The following HOOK3 variants were observed in gnomAD, a reference collection of about 807,000 sequenced individuals.
The protein encoded by HOOK3 is protein Hook homolog 3.
A neutral mutation model predicts 116.3 loss-of-function variants in HOOK3; 24 were observed. The ratio of observed to expected loss-of-function variants is 0.21; its 90% CI spans 0.15 to 0.29. HOOK3 has a LOEUF of 0.29. HOOK3 is among the 10% of genes least tolerant of loss of function. HOOK3 has a pLI of 1.00. For synonymous variants in HOOK3, 275 were observed against 283.0 expected, an observed-to-expected ratio of 0.97 and a Z score of 0.28; for missense variants, 632 against 830.2, an observed-to-expected ratio of 0.76 and a Z score of 2.93.
At chr8:42,912,047 C>T (rs1473348075) in intron 2 of HOOK3, among the ~76,000 whole-genome samples, 1 of 152,096 alleles carries the variant, frequency 6.6e-6, no homozygotes, top group Non-Finnish European at 1.5e-5. Flanking sequence ...AAAATGTGTA[C>T]CCTGAGCCTT....
intron 18 of HOOK3, among the ~76,000 whole-genome samples, chr8:43,009,362 C>T (rs1432951217): frequency 9.3e-5 from 14 of 151,294 alleles, no homozygotes; most frequent in Admixed American, 5.9e-4. Flanking sequence ...GCCGAGATCT[C>T]GCCACTGTGC....
chr8:42,947,248 G>A (rs996322868), intron 5 of HOOK3, among the ~76,000 whole-genome samples: 6 of 152,096 alleles, frequency 3.9e-5, no homozygotes, highest in Non-Finnish European at 5.9e-5. Context: ...TAGATGCTTC[G>A]ATTTTAAGGT....
At chr8:42,997,835 G>A in intron 16 of HOOK3, 198 bp downstream of exon 16, 1 of 471,326 alleles carries the variant, frequency 2.1e-6, no homozygotes, top group Non-Finnish European at 3.8e-6. Flanking sequence ...GATTCGCTCT[G>A]CTGGGAATTA....
At chr8:42,989,799 T>G (rs909620272) in intron 15 of HOOK3, among the ~76,000 whole-genome samples, 1 of 152,128 alleles carries the variant, frequency 6.6e-6, no homozygotes, top group Non-Finnish European at 1.5e-5. Flanking sequence ...AGTTTAATTT[T>G]TTTAATTTTT....
chr8:42,903,596 G>T (rs1372564477), intron 1 of HOOK3, among the ~76,000 whole-genome samples: 4 of 151,008 alleles, frequency 2.6e-5, no homozygotes, highest in Non-Finnish European at 5.9e-5. Flanking sequence ...ACTCTCTTCG[G>T]CCTCCCAAAG....
At chr8:42,970,762 G>A (rs374365557) in intron 11 of HOOK3, among the ~76,000 whole-genome samples, 1 of 143,902 alleles carries the variant, frequency 6.9e-6, no homozygotes, top group Non-Finnish European at 1.5e-5. Flanking sequence ...ATATAGTAAA[G>A]AAATAAAAGG....
chr8:42,914,754 T>C (rs1401210301), intron 2 of HOOK3, among the ~76,000 whole-genome samples: 3 of 152,246 alleles, frequency 2.0e-5, no homozygotes, highest in African/African-American at 7.2e-5. Flanking sequence ...TCTTGCATCA[T>C]CATTTGCCCC....
In HOOK3 at chr8:43,027,190, C is replaced by T; in HGVS notation, c.*8692C>T. The T allele has an allele frequency of 4.3e-6, 1 of 234,236 alleles. No homozygotes were observed. Among genetic ancestry groups the T allele is most frequent in the Non-Finnish European group, 8.6e-6 (1 of 116,272 alleles). The allele number at this position is 234,236 out of a possible 1,614,324, so 14.5% of individuals were successfully genotyped here. A position where few individuals can be genotyped will look rare whatever the true frequency, so the allele number is the denominator to read the frequency against. ...TATTATAGGCGTGAGCCACCATGCC[C>T]AGTGAACTTGGCCATTTTCTTACAT... On this transcript the variant is annotated 3_prime_UTR_variant, in exon 22 of 22. Coordinates refer to ENST00000307602, the MANE Select transcript of HOOK3 (RefSeq NM_032410.4).
chr8:42,992,647 T>C (rs1193136347), intron 15 of HOOK3, among the ~76,000 whole-genome samples: 1 of 131,558 alleles, frequency 7.6e-6, no homozygotes, highest in Non-Finnish European at 1.5e-5. Flanking sequence ...ATGCAGGAGG[T>C]GGAGGTTGTA....
intron 19 of HOOK3, among the ~76,000 whole-genome samples, chr8:43,012,166 CAG>C (rs1809625993): frequency 1.3e-5 from 2 of 152,224 alleles, no homozygotes; most frequent in African/African-American, 4.8e-5. Flanking sequence ...CATTTAATAA[CAG>C]GGACACGTTC....
At position 43,019,939 on chromosome 8, in the gene HOOK3, GC is replaced by G. The variant is rs1410007264; in HGVS notation, c.*1442del. ...TAGGAGGATGTTTTCTCATGTACTT[GC>G]TATTTGCAAGTTCAGGTTTCATTTG... On this transcript the variant is annotated 3_prime_UTR_variant, in exon 22 of 22. Coordinates refer to ENST00000307602, the MANE Select transcript of HOOK3 (RefSeq NM_032410.4). 3 of 201,190 alleles carry G rather than the reference GC, an allele frequency of 1.5e-5. No homozygotes were observed. Among genetic ancestry groups the G allele is most frequent in the Non-Finnish European group, 3.1e-5 (3 of 97,848 alleles). The allele number at this position is 201,190 out of a possible 1,614,324, so 12.5% of individuals were successfully genotyped here.
chr8:42,916,928 C>T (rs1217736689), intron 2 of HOOK3, among the ~76,000 whole-genome samples: 2 of 152,146 alleles, frequency 1.3e-5, no homozygotes, highest in African/African-American at 4.8e-5. Flanking sequence ...GTGCTTCATC[C>T]TCTTCCTTTT....
At chr8:42,906,523 T>C (rs140691200) in intron 2 of HOOK3, among the ~76,000 whole-genome samples, 299 of 152,326 alleles carry the variant, frequency 2.0e-3, no homozygotes, top group African/African-American at 6.6e-3. Context: ...ATTTTCTTGT[T>C]AGTGGCCAGA....
intron 14 of HOOK3, among the ~76,000 whole-genome samples, chr8:42,984,488 A>G (rs1001140506): frequency 6.6e-6 from 1 of 152,226 alleles, no homozygotes; most frequent in African/African-American, 2.4e-5. Flanking sequence ...AATTGAACCA[A>G]TAAGATTTGT....
rs1478342002 is a variant in HOOK3 at position 43,028,279 on chromosome 8, A to G, written c.*9781A>G. ...CGAGGCAGGAGCATCGCTTAAGCCCAGGAGGTTCAGGCTGCAGTAAGGTCT... is the reference window on the plus strand; with the variant it reads ...CGAGGCAGGAGCATCGCTTAAGCCCGGGAGGTTCAGGCTGCAGTAAGGTCT... On this transcript the variant is annotated 3_prime_UTR_variant, in exon 22 of 22. Transcript: ENST00000307602. The G allele has an allele frequency of 5.4e-6, 1 of 184,284 alleles. No individual in the cohort carries two copies. The highest frequency in any genetic ancestry group is 2.3e-5 in the African/African-American group (1 of 42,582). The allele number at this position is 184,284 out of a possible 1,614,324, so 11.4% of individuals were successfully genotyped here.
At chr8:42,971,321 C>G (rs887405395) in intron 11 of HOOK3, among the ~76,000 whole-genome samples, 1 of 152,186 alleles carries the variant, frequency 6.6e-6, no homozygotes, top group Non-Finnish European at 1.5e-5. Context: ...GGCTAGAGTG[C>G]AGTGGTGCGA....
intron 8 of HOOK3, among the ~76,000 whole-genome samples, chr8:42,959,718 GAAA>G (rs529721762): frequency 1.4e-4 from 4 of 29,040 alleles, no homozygotes; most frequent in Non-Finnish European, 2.6e-4. Context: ...GACTACATCT[GAAA>G]AAAAAAAAAA....
intron 1 of HOOK3, among the ~76,000 whole-genome samples, chr8:42,900,938 G>T (rs1197288113): frequency 6.6e-6 from 1 of 152,232 alleles, no homozygotes; most frequent in Non-Finnish European, 1.5e-5. Flanking sequence ...TAGGTTCCCA[G>T]GTGATGCCAT....
At chr8:42,973,210 T>G in intron 11 of HOOK3, 79 bp from the exon 12 acceptor site, 1 of 1,482,574 alleles carries the variant, frequency 6.7e-7, no homozygotes, top group South Asian at 1.4e-5. Context: ...ATTTTGGTTT[T>G]CTTAAACCTG....
Sources: gnomAD v4.1 joint callset for allele counts (sites outside exome capture counted in the v4.1 genomes callset) on GRCh38, gnomAD v4.1.1 for gene constraint, MANE v1.5 for transcripts, NCBI Gene and HGNC (gene_info 2026-07-23, HGNC 2026-07-21) for gene names.